The following NLRP11 variants were observed in gnomAD, a reference collection of about 807,000 sequenced individuals.
NLRP11 encodes the protein NLR family pyrin domain containing 11.
Under a neutral mutation model 79.3 loss-of-function variants are expected in NLRP11, and 53 were observed. The ratio of observed to expected loss-of-function variants is 0.67; its 90% CI spans 0.54 to 0.84. NLRP11 has a LOEUF of 0.84. Ranked by LOEUF, NLRP11 falls within the 40% of genes least tolerant of loss-of-function variation. The pLI, the probability that NLRP11 is intolerant of heterozygous loss-of-function variation, is 0.00. For missense variants in NLRP11, 1,264 were observed against 1,255.0 expected (o/e 1.01, Z -0.11); for synonymous variants, 518 against 462.6 (o/e 1.12, Z -1.54).
chr19:55,807,723 C>T, intron 4 of NLRP11, 130 bp downstream of exon 4: 3 of 586,206 alleles, frequency 5.1e-6, no homozygotes, highest in African/African-American at 1.8e-5. Flanking sequence ...TTGAGAAGTA[C>T]AGAAGGAGCC....
At chr19:55,822,998 G>A (rs1161254041) in intron 1 of NLRP11, among the ~76,000 whole-genome samples, 1 of 151,604 alleles carries the variant, frequency 6.6e-6, no homozygotes, top group Non-Finnish European at 1.5e-5. Context: ...AACCTCTGCA[G>A]ACTTAAATGT....
intron 6 of NLRP11, among the ~76,000 whole-genome samples, chr19:55,795,320 T>C (rs1016809293): frequency 3.9e-5 from 6 of 152,068 alleles, no homozygotes; most frequent in African/African-American, 1.4e-4. Context: ...TTCAAGGCAA[T>C]CTAGCACCAA....
At chr19:55,813,125 C>T (rs1238166256) in intron 2 of NLRP11, among the ~76,000 whole-genome samples, 5 of 152,014 alleles carry the variant, frequency 3.3e-5, no homozygotes, top group South Asian at 2.1e-4. Flanking sequence ...GTCAGGAGTT[C>T]GAGACCAGCC....
exon 3 of NLRP11, chr19:55,810,142 T>A (rs759012810): frequency 1.9e-6 from 3 of 1,614,158 alleles, no homozygotes; most frequent in African/African-American, 1.3e-5. Context: ...TTTTTCCAGA[T>A]GCTCTCTCTC....
At chr19:55,794,577 G>A (rs562588677) in intron 6 of NLRP11, among the ~76,000 whole-genome samples, 19 of 152,154 alleles carry the variant, frequency 1.2e-4, no homozygotes, top group South Asian at 4.2e-4. Flanking sequence ...TGGCTGACAC[G>A]GTGAAACCCC....
At chr19:55,795,784 G>A (rs1054092211) in intron 6 of NLRP11, among the ~76,000 whole-genome samples, 3 of 151,946 alleles carry the variant, frequency 2.0e-5, no homozygotes, top group South Asian at 2.1e-4. Flanking sequence ...CACCGCGTCC[G>A]GCCGTGACCA....
In NLRP11 at chr19:55,796,007, C is replaced by G. The variant is rs1410952828; in HGVS notation, c.2342+73G>C. On this transcript the variant is annotated intron_variant, in intron 6 of 9. Coordinates refer to ENST00000589093, the Ensembl canonical transcript of NLRP11. Reference sequence around the variant, plus strand: ...TTTGCTGTCCCTTTCCCCACCACTGCTCTTTGATCATGTGCTTAGATATTC... The same window carrying G: ...TTTGCTGTCCCTTTCCCCACCACTGGTCTTTGATCATGTGCTTAGATATTC... The G allele has an allele frequency of 2.9e-6, 4 of 1,359,706 alleles. No individual in the cohort carries two copies. In the East Asian group the frequency reaches 9.3e-5, roughly 32 times the overall value. The allele number at this position is 1,359,706 out of a possible 1,614,324, so 84.2% of individuals were successfully genotyped here.
exon 5 of NLRP11, chr19:55,801,722 G>A: frequency 6.2e-7 from 1 of 1,614,140 alleles, no homozygotes; most frequent in South Asian, 1.1e-5. Context: ...ACCAGAAGCA[G>A]TCGAGACATA....
intron 1 of NLRP11, among the ~76,000 whole-genome samples, chr19:55,827,007 T>C (rs1982299103): frequency 1.4e-5 from 2 of 146,028 alleles, no homozygotes; most frequent in South Asian, 2.2e-4. Flanking sequence ...CTACCTGATT[T>C]CAAACTATAC....
At chr19:55,798,251 G>T (rs1600180289) in intron 5 of NLRP11, 3 of 856,766 alleles carry the variant, frequency 3.5e-6, no homozygotes, top group East Asian at 2.4e-4. Context: ...GCCCGCCTCG[G>T]CCTCCCAAAG....
intron 2 of NLRP11, among the ~76,000 whole-genome samples, chr19:55,813,038 T>A (rs1277419059): frequency 1.3e-5 from 2 of 152,050 alleles, no homozygotes; most frequent in Non-Finnish European, 2.9e-5. Context: ...ATTAAAATGG[T>A]AGAGGGTGGC....
At chr19:55,793,631 C>T (rs977957232) in intron 6 of NLRP11, among the ~76,000 whole-genome samples, 11 of 143,048 alleles carry the variant, frequency 7.7e-5, no homozygotes, top group African/African-American at 2.8e-4. Context: ...TGAATCTTGG[C>T]TCTGGTATGG....
In NLRP11 at chr19:55,788,810, AC is replaced by A. The variant is rs1328040853; in HGVS notation, c.2851del (p.Val951LeufsTer5). ...CCAAGGAAAATAAGCAACTTACCCA[AC>A]TACCTTAAGTACACAATCTGGGCTG... is the stretch of plus-strand genomic sequence containing the variant. On this transcript the variant is annotated frameshift_variant, in exon 9 of 10. Transcript: ENST00000589093. LOFTEE classifies it low-confidence loss of function (END_TRUNC). The A allele has an allele frequency of 6.3e-7, 1 of 1,599,826 alleles. No individual in the cohort carries two copies. Among genetic ancestry groups the A allele is most frequent in the African/African-American group, 1.4e-5 (1 of 73,928 alleles).
At chr19:55,810,743 C>G (rs1980528810) in intron 2 of NLRP11, among the ~76,000 whole-genome samples, 1 of 152,228 alleles carries the variant, frequency 6.6e-6, no homozygotes, top group Admixed American at 6.5e-5. Context: ...GGTGATCCAC[C>G]TGCCTTGGCT....
chr19:55,801,536 C>A (rs756547639), intron 5 of NLRP11, 36 bp downstream of exon 5: 1 of 1,592,714 alleles, frequency 6.3e-7, no homozygotes, highest in Non-Finnish European at 8.6e-7. Context: ...GCATTCCCCT[C>A]ACATGCACTG....
At chr19:55,801,208 G>T in intron 5 of NLRP11, 1 of 170,612 alleles carries the variant, frequency 5.9e-6, no homozygotes, top group Non-Finnish European at 1.2e-5. Context: ...AGTTTCACTT[G>T]CTTCCTTTTA....
chr19:55,803,648 C>CA (rs1468095045), intron 4 of NLRP11, among the ~76,000 whole-genome samples: 1 of 152,144 alleles, frequency 6.6e-6, no homozygotes, highest in Non-Finnish European at 1.5e-5. Flanking sequence ...AAGGGTATAA[C>CA]AGACAGTTTT....
chr19:55,818,325 A>G (rs1281527398), intron 1 of NLRP11, 89 bp from the exon 2 acceptor site: 2 of 643,506 alleles, frequency 3.1e-6, no homozygotes, highest in Non-Finnish European at 5.3e-6. Context: ...CTGTGGTGTG[A>G]TAGAAGCTCC....
At chr19:55,787,128 C>G (rs1246495751) in intron 9 of NLRP11, among the ~76,000 whole-genome samples, 1 of 152,140 alleles carries the variant, frequency 6.6e-6, no homozygotes, top group Admixed American at 6.5e-5. Flanking sequence ...GATGCTTATA[C>G]TTAGTCTCTA....
Sources: allele counts gnomAD v4.1 joint callset (sites outside exome capture counted in the v4.1 genomes callset), GRCh38; gene constraint gnomAD v4.1.1; transcripts MANE v1.5; gene names NCBI Gene and HGNC (gene_info 2026-07-23, HGNC 2026-07-21).